Variants in WDR6 observed in about 807,000 individuals in gnomAD.
WDR6 encodes tRNA (34-2'-O)-methyltransferase regulator WDR6.
A neutral mutation model predicts 85.6 loss-of-function variants in WDR6; 58 were observed. The observed-to-expected ratio is 0.68, with a 90% confidence interval of 0.55 to 0.84. The LOEUF (loss-of-function observed/expected upper bound fraction) is 0.84, where lower values mean the gene tolerates loss of function less well. Among genes scored for constraint, WDR6 ranks in the 40% least tolerant of loss-of-function variants. WDR6 has a pLI of 0.00. For synonymous variants in WDR6, 569 were observed against 582.2 expected (o/e 0.98, Z 0.33); for missense variants, 1,310 against 1,476.4 (o/e 0.89, Z 1.85).
Position 49,015,820 on chromosome 3 carries a change from C to G in WDR6, c.*532C>G. 2 of 1,614,170 alleles carry G rather than the reference C, an allele frequency of 1.2e-6. No homozygotes were observed. Among genetic ancestry groups the G allele is most frequent in the Non-Finnish European group, 1.7e-6 (2 of 1,180,038 alleles). On this transcript the variant is annotated 3_prime_UTR_variant, in exon 6 of 6. Transcript: ENST00000608424. ...TGTGCTCACCCCCAGGATGTGTACC[C>G]GGTTGTAGTAGGAGCTGAAATCCAT...
At chr3:49,010,050 A>G (rs1331557236) in intron 1 of WDR6, among the ~76,000 whole-genome samples, 1 of 151,830 alleles carries the variant, frequency 6.6e-6, no homozygotes. Flanking sequence ...TAATTAAAAA[A>G]AAAAAGTGAG....
rs1388944755 is a variant in WDR6 at position 49,012,130 on chromosome 3, T to G, written c.596T>G (p.Val199Gly). 1 of 1,613,996 alleles carries G rather than the reference T, an allele frequency of 6.2e-7. No homozygotes were observed. Among genetic ancestry groups the G allele is most frequent in the African/African-American group, 1.3e-5 (1 of 74,914 alleles). The change falls in exon 2 of 6, where the codon GTA (valine) becomes GGA (glycine). Residue 199 changes from valine to glycine, a missense_variant. By Grantham distance (109) the Val-to-Gly change is moderately radical (BLOSUM62 -3). Coordinates refer to ENST00000608424, the MANE Select transcript of WDR6 (RefSeq NM_018031.6). The surrounding 1 kb of genome is among the most constrained non-coding windows in gnomAD (Gnocchi z 4.4). Reference protein sequence around the residue: ...PATALADNKPVAPDRRISGHV... With the variant: ...PATALADNKPGAPDRRISGHV... Reference sequence around the variant, plus strand: ...ACTGCCTTAGCAGACAACAAACCTGTAGCACCTGACCGACGAATCAGTGGG... The same window carrying G: ...ACTGCCTTAGCAGACAACAAACCTGGAGCACCTGACCGACGAATCAGTGGG...
chr3:49,012,086 C>T lies in WDR6; in HGVS notation c.552C>T (p.Leu184=). 1 of 1,613,888 alleles carries T rather than the reference C, an allele frequency of 6.2e-7. No individual in the cohort carries two copies. ...TIVAGAVSNQ[L]LVWYPATALA... ...TGGCAGGTGCTGTTTCCAACCAGCTCTTGGTCTGGTACCCAGCAACTGCCT... is the reference window on the plus strand; with the variant it reads ...TGGCAGGTGCTGTTTCCAACCAGCTTTTGGTCTGGTACCCAGCAACTGCCT... The change falls in exon 2 of 6, where the codon CTC becomes CTT. Residue 184 remains leucine, a synonymous_variant. Transcript: ENST00000608424. This position sits in a 1 kb window ranked among gnomAD's most constrained non-coding sequence, Gnocchi z 4.4.
At position 49,013,205 on chromosome 3, in the gene WDR6, G is replaced by T; in HGVS notation, c.1671G>T (p.Leu557Phe). ...SSGGGNAFTG[L>F]GPVSTLPSLH... Reference sequence around the variant, plus strand: ...GGGGTGGGAATGCTTTCACTGGGTTGGGCCCAGTGTCTACCCTGCCCTCTC... The same window carrying T: ...GGGGTGGGAATGCTTTCACTGGGTTTGGCCCAGTGTCTACCCTGCCCTCTC... The change falls in exon 2 of 6, where the codon TTG becomes TTT. Residue 557 changes from leucine (L) to phenylalanine (F), a missense_variant. Physicochemically the swap from Leu to Phe is conservative, Grantham distance 22. Coordinates refer to ENST00000608424, the MANE Select transcript of WDR6 (RefSeq NM_018031.6). This position sits in a 1 kb window ranked among gnomAD's most constrained non-coding sequence, Gnocchi z 4.6. The T allele has an allele frequency of 8.7e-6, 14 of 1,613,714 alleles. No homozygotes were observed. Among genetic ancestry groups the T allele is most frequent in the Non-Finnish European group, 1.2e-5 (14 of 1,179,898 alleles).
chr3:49,013,560 G>T lies in WDR6; in HGVS notation c.2026G>T (p.Asp676Tyr). 2 of 1,614,038 alleles carry T rather than the reference G, an allele frequency of 1.2e-6. No homozygotes were observed. The highest frequency in any genetic ancestry group is 1.7e-6 in the Non-Finnish European group (2 of 1,180,018). The change falls in exon 2 of 6, where the codon GAT becomes TAT. Residue 676 changes from aspartate (D) to tyrosine (Y), a missense_variant. By Grantham distance (160) the Asp-to-Tyr change is radical. Transcript: ENST00000608424. This position sits in a 1 kb window ranked among gnomAD's most constrained non-coding sequence, Gnocchi z 4.6. ...EAAMAFAYLK[D>Y]GDVMLYRALG... ...GGCCATGGCCTTTGCTTACCTCAAG[G>T]ATGGGGATGTCATGCTGTACAGGGC...
chr3:49,009,824 C>A (rs1432951753), intron 1 of WDR6, among the ~76,000 whole-genome samples: 2 of 151,542 alleles, frequency 1.3e-5, no homozygotes, highest in African/African-American at 4.9e-5. Flanking sequence ...ACCTCTTGGG[C>A]TCAAGAGATC....
intron 1 of WDR6, chr3:49,011,260 T>A (rs1356509698): frequency 2.5e-6 from 1 of 400,628 alleles, no homozygotes; most frequent in Non-Finnish European, 4.7e-6. Flanking sequence ...AATTTTTTAG[T>A]AGAGATGGGG....
Position 49,014,339 on chromosome 3 carries a change from T to C in WDR6, c.2667-44T>C. 3.7e-6 allele frequency: 6 copies of C among 1,613,888 alleles called. No individual in the cohort carries two copies. Among genetic ancestry groups the C allele is most frequent in the Non-Finnish European group, 5.1e-6 (6 of 1,179,956 alleles). On this transcript the variant is annotated intron_variant, in intron 3 of 5. Transcript: ENST00000608424. The surrounding 1 kb of genome is among the most constrained non-coding windows in gnomAD (Gnocchi z 4.9). ...GGGACAGGAGACAAAGGAAGTAAGG[T>C]TGTCTAGGATGCGTTCTGAGCTGGG...
chr3:49,013,907 T>G lies in WDR6; in HGVS notation c.2373T>G (p.Pro791=). 1 of 1,613,684 alleles carries G rather than the reference T, an allele frequency of 6.2e-7. No individual in the cohort carries two copies. Among genetic ancestry groups the G allele is most frequent in the Non-Finnish European group, 8.5e-7 (1 of 1,179,974 alleles). ...AVWGIGTPGG[P]QDPQPGLTAH... ...GGGGCATTGGCACCCCAGGTGGCCC[T>G]CAGGATCCTCAGCCAGGCCTGACTG... Residue 791 remains proline (P), a synonymous_variant, in exon 2 of 6, where the codon CCT becomes CCG. Coordinates refer to ENST00000608424, the MANE Select transcript of WDR6 (RefSeq NM_018031.6). This position sits in a 1 kb window ranked among gnomAD's most constrained non-coding sequence, Gnocchi z 4.6.
Position 49,013,305 on chromosome 3 carries a change from T to C in WDR6, c.1771T>C (p.Tyr591His). Residue 591 changes from tyrosine (Y) to histidine (H), a missense_variant, in exon 2 of 6, where the codon TAC becomes CAC. Coordinates refer to ENST00000608424, the MANE Select transcript of WDR6 (RefSeq NM_018031.6). The surrounding 1 kb of genome is among the most constrained non-coding windows in gnomAD (Gnocchi z 4.6). ...GTATACCACAGGGCGTGATGGAGCC[T>C]ACTACCAGCTGTTTGTACGAGACGG... ...YVYTTGRDGA[Y>H]YQLFVRDGQL... The C allele has an allele frequency of 6.2e-7, 1 of 1,614,108 alleles. No homozygotes were observed. The highest frequency in any genetic ancestry group is 1.3e-5 in the African/African-American group (1 of 75,028).
Position 49,012,549 on chromosome 3 carries a change from GCT to G in WDR6, c.1020_1021del (p.Cys341LeufsTer5), listed in dbSNP as rs1559896464. On this transcript the variant is annotated frameshift_variant, in exon 2 of 6. Transcript: ENST00000608424. LOFTEE classifies it high-confidence loss of function. The surrounding 1 kb of genome is among the most constrained non-coding windows in gnomAD (Gnocchi z 4.4). The stretch of plus-strand genomic sequence containing the variant: ...TGGGTACCGGGGATTGGGGGTCTCG[GCT>G]CTCTGCTTCAAGTCCCGTAGTAGGC... ...GRGYRGLGVS[A>X]LCFKSRSRPG... 1 of 1,614,000 alleles carries G rather than the reference GCT, an allele frequency of 6.2e-7. No homozygotes were observed. Among genetic ancestry groups the G allele is most frequent in the Non-Finnish European group, 8.5e-7 (1 of 1,180,016 alleles).
At position 49,014,914 on chromosome 3, in the gene WDR6, G is replaced by T; in HGVS notation, c.2992G>T (p.Val998Leu). The T allele has an allele frequency of 6.2e-7, 1 of 1,614,092 alleles. No individual in the cohort carries two copies. The highest frequency in any genetic ancestry group is 8.5e-7 in the Non-Finnish European group (1 of 1,180,000). Residue 998 changes from valine (V) to leucine (L), a missense_variant, in exon 6 of 6, where the codon GTG becomes TTG. By Grantham distance (32) the Val-to-Leu change is conservative. Transcript: ENST00000608424. This position sits in a 1 kb window ranked among gnomAD's most constrained non-coding sequence, Gnocchi z 4.9. ...TLPTREGHHL[V>L]ASGSEDGSLH... ...GCCCACCCGTGAGGGCCACCATCTC[G>T]TGGCCAGTGGCAGTGAAGATGGATC...
Position 49,013,159 on chromosome 3 carries a change from T to C in WDR6, c.1625T>C (p.Val542Ala). ...GCTCGGGCTGGTGCTGGGGCACCTG[T>C]AGTGGGTAGTGGTAGTAGTGGGGGT... ...GKARAGAGAP[V>A]VGSGSSGGGN... Residue 542 changes from valine (V) to alanine (A), a missense_variant, in exon 2 of 6, where the codon GTA (valine) becomes GCA (alanine). Physicochemically the swap from Val to Ala is moderately conservative, Grantham distance 64. Transcript: ENST00000608424. This position sits in a 1 kb window ranked among gnomAD's most constrained non-coding sequence, Gnocchi z 4.6. 5.6e-6 allele frequency: 9 copies of C among 1,610,456 alleles called. No homozygotes were observed. Among genetic ancestry groups the C allele is most frequent in the Non-Finnish European group, 7.6e-6 (9 of 1,177,704 alleles).
At position 49,014,352 on chromosome 3, in the gene WDR6, G is replaced by C. The variant is rs537391394; in HGVS notation, c.2667-31G>C. 1.9e-6 allele frequency: 3 copies of C among 1,614,058 alleles called. No homozygotes were observed. Among genetic ancestry groups the C allele is most frequent in the East Asian group, 4.5e-5 (2 of 44,882 alleles). On this transcript the variant is annotated intron_variant, in intron 3 of 5. Transcript: ENST00000608424. This position sits in a 1 kb window ranked among gnomAD's most constrained non-coding sequence, Gnocchi z 4.9. ...AAGGAAGTAAGGTTGTCTAGGATGC[G>C]TTCTGAGCTGGGCCACCCCCCGCCC...
chr3:49,013,222 T>G lies in WDR6; in HGVS notation c.1688T>G (p.Leu563Arg). 6.2e-7 allele frequency: 1 copy of G among 1,613,960 alleles called. No individual in the cohort carries two copies. Reference protein sequence around the residue: ...AFTGLGPVSTLPSLHGKQGVT... With the variant: ...AFTGLGPVSTRPSLHGKQGVT... ...ACTGGGTTGGGCCCAGTGTCTACCC[T>G]GCCCTCTCTGCACGGGAAGCAGGGT... is the stretch of plus-strand genomic sequence containing the variant. Residue 563 changes from leucine (L) to arginine (R), a missense_variant, in exon 2 of 6, where the codon CTG becomes CGG. Transcript: ENST00000608424. This position sits in a 1 kb window ranked among gnomAD's most constrained non-coding sequence, Gnocchi z 4.6.
rs1318756253 is a variant in WDR6 at position 49,012,095 on chromosome 3, G to A, written c.561G>A (p.Trp187Ter). The change falls in exon 2 of 6, where the codon TGG (tryptophan) becomes TGA (stop). Residue 187 changes from tryptophan to a stop codon, truncating the protein, a stop_gained. Transcript: ENST00000608424. LOFTEE classifies it high-confidence loss of function. This position sits in a 1 kb window ranked among gnomAD's most constrained non-coding sequence, Gnocchi z 4.4. Reference sequence around the variant, plus strand: ...CTGTTTCCAACCAGCTCTTGGTCTGGTACCCAGCAACTGCCTTAGCAGACA... The same window carrying A: ...CTGTTTCCAACCAGCTCTTGGTCTGATACCCAGCAACTGCCTTAGCAGACA... ...AGAVSNQLLV[W>*]YPATALADNK... is the part of the protein sequence containing the mutation. 1.2e-6 allele frequency: 2 copies of A among 1,613,802 alleles called. No homozygotes were observed. Among genetic ancestry groups the A allele is most frequent in the African/African-American group, 2.7e-5 (2 of 74,920 alleles).
chr3:49,014,050 G>A lies in WDR6; in HGVS notation c.2516G>A (p.Arg839Gln), dbSNP rs370967215. ...CATGTCATGCACCTTTCGTCCCACC[G>A]GCTAGATGAGTATTGGGACCGGCAA... ...ACHVMHLSSH[R>Q]LDEYWDRQRN... is the part of the protein sequence containing the mutation. Residue 839 changes from arginine to glutamine, a missense_variant, in exon 2 of 6, where the codon CGG becomes CAG. Transcript: ENST00000608424. The surrounding 1 kb of genome is among the most constrained non-coding windows in gnomAD (Gnocchi z 4.9). 40 of 1,612,714 alleles carry A rather than the reference G, an allele frequency of 2.5e-5. No individual in the cohort carries two copies. The highest frequency in any genetic ancestry group is 5.3e-5 in the African/African-American group (4 of 74,900).
chr3:49,015,720 G>A lies in WDR6; in HGVS notation c.*432G>A. 9 of 1,614,082 alleles carry A rather than the reference G, an allele frequency of 5.6e-6. No individual in the cohort carries two copies. Among genetic ancestry groups the A allele is most frequent in the Non-Finnish European group, 6.8e-6 (8 of 1,180,016 alleles). ...GTGGTCGAGGCTCCTGAAAGAGAAA[G>A]GGCCTGCTGGTCTCATCCTCTGCTT... On this transcript the variant is annotated 3_prime_UTR_variant, in exon 6 of 6. Transcript: ENST00000608424.
At position 49,015,637 on chromosome 3, in the gene WDR6, A is replaced by C. The variant is rs2093052770; in HGVS notation, c.*349A>C. 6.2e-7 allele frequency: 1 copy of C among 1,613,938 alleles called. No individual in the cohort carries two copies. The highest frequency in any genetic ancestry group is 1.3e-5 in the African/African-American group (1 of 74,864). ...ACCCAGCATAGCCAGGCCAGTATGGAGCACCTCACGCACAGCTCTCAGAAG... is the reference window on the plus strand; with the variant it reads ...ACCCAGCATAGCCAGGCCAGTATGGCGCACCTCACGCACAGCTCTCAGAAG... On this transcript the variant is annotated 3_prime_UTR_variant, in exon 6 of 6. Transcript: ENST00000608424.
Sources: gnomAD v4.1 joint callset for allele counts (sites outside exome capture counted in the v4.1 genomes callset) on GRCh38, gnomAD v4.1.1 for gene constraint, Gnocchi (gnomAD v3.1) non-coding constraint, MANE v1.5 for transcripts, NCBI Gene and HGNC (gene_info 2026-07-23, HGNC 2026-07-21) for gene names.